HDAC4: variants seen among roughly 807,000 people sequenced by gnomAD.
HDAC4 encodes histone deacetylase 4, also known as histone deacetylase A.
A neutral mutation model predicts 135.1 loss-of-function variants in HDAC4; 16 were observed. That is an observed-to-expected ratio of 0.12 (90% CI 0.08 to 0.18). The LOEUF (loss-of-function observed/expected upper bound fraction) is 0.18, where lower values mean the gene tolerates loss of function less well. Ranked by LOEUF, HDAC4 falls within the 10% of genes least tolerant of loss-of-function variation. The probability of loss-of-function intolerance (pLI) is 1.00; values close to 1 mark genes in which losing one functional copy is unlikely to be tolerated. For missense variants in HDAC4, 1,143 were observed against 1,511.8 expected (o/e 0.76, Z 4.05); for synonymous variants, 685 against 653.4 (o/e 1.05, Z -0.74).
intron 3 of HDAC4, among the ~76,000 whole-genome samples, chr2:239,229,884 G>T (rs1353219500): frequency 3.9e-5 from 6 of 152,142 alleles, no homozygotes. Context: ...CCTGGATCAG[G>T]AAAAAGAGAC....
At chr2:239,111,069 G>A (rs2038626103) in intron 14 of HDAC4, among the ~76,000 whole-genome samples, 1 of 152,260 alleles carries the variant, frequency 6.6e-6, no homozygotes, top group Non-Finnish European at 1.5e-5. Context: ...CAGGGGTCCC[G>A]GGCTCTGCTC....
intron 2 of HDAC4, among the ~76,000 whole-genome samples, chr2:239,297,808 T>C (rs987668203): frequency 1.3e-5 from 2 of 152,238 alleles, no homozygotes; most frequent in African/African-American, 2.4e-5. Context: ...AGAAAGACTA[T>C]GTTTATCACT....
intron 4 of HDAC4, among the ~76,000 whole-genome samples, chr2:239,183,448 A>G (rs950959290): frequency 6.6e-6 from 1 of 152,220 alleles, no homozygotes; most frequent in African/African-American, 2.4e-5. Context: ...CACGGACGGT[A>G]AGCTGCCGCC....
At chr2:239,315,523 A>G (rs1366546196) in intron 2 of HDAC4, among the ~76,000 whole-genome samples, 1 of 152,202 alleles carries the variant, frequency 6.6e-6, no homozygotes, top group East Asian at 1.9e-4. Flanking sequence ...CACGCCTCAA[A>G]GCCCCTACGC....
chr2:239,321,716 A>C (rs915535194), intron 2 of HDAC4, among the ~76,000 whole-genome samples: 32 of 152,046 alleles, frequency 2.1e-4, no homozygotes, highest in Admixed American at 5.2e-4. Flanking sequence ...GACATTTTAT[A>C]GTTACTTGCT....
At chr2:239,174,661 C>T (rs1258590216) in intron 5 of HDAC4, among the ~76,000 whole-genome samples, 5 of 152,126 alleles carry the variant, frequency 3.3e-5, no homozygotes, top group Non-Finnish European at 7.4e-5. Flanking sequence ...CCACATGTAC[C>T]AAGAAACATG....
At chr2:239,194,844 C>T (rs1183635788) in intron 3 of HDAC4, among the ~76,000 whole-genome samples, 1 of 152,242 alleles carries the variant, frequency 6.6e-6, no homozygotes, top group African/African-American at 2.4e-5. Flanking sequence ...GCCACTCCAG[C>T]TTCTCCAGCA....
At chr2:239,060,161 C>T (rs1204870791) in intron 24 of HDAC4, among the ~76,000 whole-genome samples, 8 of 152,312 alleles carry the variant, frequency 5.3e-5, no homozygotes, top group Non-Finnish European at 4.4e-5. Flanking sequence ...CCTAGAGGAG[C>T]GCACTGATGG....
chr2:239,116,126 C>T (rs933051513), intron 12 of HDAC4, among the ~76,000 whole-genome samples: 11 of 152,168 alleles, frequency 7.2e-5, no homozygotes, highest in Non-Finnish European at 7.3e-5. Context: ...TCCTGCTCCC[C>T]GCCTGCTCCT....
chr2:239,184,053 G>A (rs2044326172), intron 4 of HDAC4, among the ~76,000 whole-genome samples: 1 of 119,426 alleles, frequency 8.4e-6, no homozygotes, highest in African/African-American at 3.2e-5. Context: ...CGAAAAAGAG[G>A]CCAGCCTTGC....
rs76912079 is a variant in HDAC4, at chr2:239,195,149, C to T, written c.95-5072G>A. On this transcript the variant is annotated intron_variant, in intron 3 of 26. Coordinates refer to ENST00000543185, the MANE Select transcript of HDAC4 (RefSeq NM_001378414.1). The stretch of plus-strand genomic sequence containing the variant: ...CAGAATGCTGTCGCTGTTCTCACTA[C>T]GGCACCTCCTGCATTTTCACTCATT... Among the ~76,000 whole-genome samples the T allele has an allele frequency of 1.6e-3, 247 of 152,310 alleles. 1 individual carries two copies. The highest frequency in any genetic ancestry group is 2.7e-3 in the Non-Finnish European group (184 of 68,038).
intron 2 of HDAC4, among the ~76,000 whole-genome samples, chr2:239,255,295 CTG>C (rs60768204): frequency 0.35 from 52,054 of 149,286 alleles, 9,238 homozygotes; most frequent in East Asian, 0.44. Flanking sequence ...TGTTTTCTCA[CTG>C]TGTGTGTGTG....
rs577381455 is a variant in HDAC4, at chr2:239,167,132, C to A, written c.491-3209G>T. On this transcript the variant is annotated intron_variant, in intron 5 of 26. Transcript: ENST00000543185. The surrounding 1 kb of genome is among the most constrained non-coding windows in gnomAD (Gnocchi z 4.1). ...GGACAAGAAGCAGGTTCTCGGTGTGCGGGACGAGGACGCCCTCAACACTTT... is the reference window on the plus strand; with the variant it reads ...GGACAAGAAGCAGGTTCTCGGTGTGAGGGACGAGGACGCCCTCAACACTTT... Among the ~76,000 whole-genome samples, 29 of 151,988 alleles carry A rather than the reference C, an allele frequency of 1.9e-4. 1 individual carries two copies. Among genetic ancestry groups the A allele is most frequent in the Admixed American group, 6.5e-5 (1 of 15,270 alleles).
At chr2:239,129,644 C>T (rs1048958590) in intron 11 of HDAC4, among the ~76,000 whole-genome samples, 24 of 152,214 alleles carry the variant, frequency 1.6e-4, no homozygotes, top group African/African-American at 5.5e-4. Flanking sequence ...TGGTGCTGGA[C>T]GGCTGTGTCC....
chr2:239,311,048 C>T (rs1272609182), intron 2 of HDAC4, among the ~76,000 whole-genome samples: 1 of 152,262 alleles, frequency 6.6e-6, no homozygotes, highest in Admixed American at 6.5e-5. Flanking sequence ...CGCGGTCTGA[C>T]AGGCAGGCCT....
At chr2:239,088,419 C>T (rs992182965) in intron 18 of HDAC4, among the ~76,000 whole-genome samples, 2 of 152,246 alleles carry the variant, frequency 1.3e-5, no homozygotes, top group Non-Finnish European at 2.9e-5. Flanking sequence ...TGGCGGCAAA[C>T]GCTCTCAAGA....
At position 239,150,165 on chromosome 2, in the gene HDAC4, T is replaced by C. The variant is rs145266636; in HGVS notation, c.734-5451A>G. Among the ~76,000 whole-genome samples, 5 of 152,284 alleles carry C rather than the reference T, an allele frequency of 3.3e-5. No homozygotes were observed. The East Asian group carries it at 9.6e-4, about 29-fold the overall frequency. On this transcript the variant is annotated intron_variant, in intron 7 of 26. Transcript: ENST00000543185. ...AGGAGAAAACGCAAAATGGGTATTTTTGTTAACAAGACAACTCAGATACAT... is the reference window on the plus strand; with the variant it reads ...AGGAGAAAACGCAAAATGGGTATTTCTGTTAACAAGACAACTCAGATACAT...
At chr2:239,057,699 G>A (rs1436945815) in intron 24 of HDAC4, among the ~76,000 whole-genome samples, 1 of 152,208 alleles carries the variant, frequency 6.6e-6, no homozygotes, top group Non-Finnish European at 1.5e-5. Context: ...ATAAAGACCT[G>A]CCTCCTCACA....
At chr2:239,385,114 C>T (rs1000094640) in intron 1 of HDAC4, among the ~76,000 whole-genome samples, 4 of 152,330 alleles carry the variant, frequency 2.6e-5, no homozygotes, top group South Asian at 2.1e-4. Flanking sequence ...CCTTGCTTCC[C>T]GGCCGCCTCC....
Sources: allele counts gnomAD v4.1 joint callset (sites outside exome capture counted in the v4.1 genomes callset), GRCh38; gene constraint gnomAD v4.1.1; non-coding constraint Gnocchi (gnomAD v3.1); transcripts MANE v1.5; gene names NCBI Gene and HGNC (gene_info 2026-07-23, HGNC 2026-07-21).